KIAA1958: variants seen among roughly 807,000 people sequenced by gnomAD.
KIAA1958 encodes uncharacterized protein KIAA1958.
In KIAA1958, 14 loss-of-function variants were observed where a neutral mutation model predicts 47.2. The ratio of observed to expected loss-of-function variants is 0.30; its 90% CI spans 0.20 to 0.46. The LOEUF (loss-of-function observed/expected upper bound fraction) is 0.46. Among genes scored for constraint, KIAA1958 ranks in the 20% least tolerant of loss-of-function variants. The probability of loss-of-function intolerance (pLI) is 1.00; values close to 1 mark genes in which losing one functional copy is unlikely to be tolerated. For synonymous variants in KIAA1958, 354 were observed against 353.3 expected, an observed-to-expected ratio of 1.00 and a Z score of -0.02; for missense variants, 803 against 909.2, an observed-to-expected ratio of 0.88 and a Z score of 1.50.
chr9:112,592,678 C>G (rs1451966220), intron 2 of KIAA1958, among the ~76,000 whole-genome samples: 1 of 152,132 alleles, frequency 6.6e-6, no homozygotes. Context: ...ATTTGTCATC[C>G]TGGTTCAGGA....
Position 112,645,751 on chromosome 9 carries a change from C to T in KIAA1958, c.1273C>T (p.Arg425Trp), listed in dbSNP as rs772397775. 1.8e-5 allele frequency: 29 copies of T among 1,613,980 alleles called. No individual in the cohort carries two copies. Among genetic ancestry groups the T allele is most frequent in the East Asian group, 4.5e-5 (2 of 44,884 alleles). ...AVSPNTTKAT[R>W]YALNVWRYWC... Reference sequence around the variant, plus strand: ...AAGCCCAAATACTACCAAAGCCACGCGGTACGCCTTGAATGTGTGGCGTTA... The same window carrying T: ...AAGCCCAAATACTACCAAAGCCACGTGGTACGCCTTGAATGTGTGGCGTTA... The change falls in exon 3 of 4, where the codon CGG becomes TGG. Residue 425 changes from arginine to tryptophan, a missense_variant. This residue lies in a region of KIAA1958 where 761 missense variants were observed against 829.3 expected (regional missense o/e 0.92). Coordinates refer to ENST00000337530, the MANE Select transcript of KIAA1958 (RefSeq NM_133465.4).
rs1018402212 is a variant in KIAA1958 at position 112,663,921 on chromosome 9, A to C, written c.*3852A>C. On this transcript the variant is annotated 3_prime_UTR_variant, in exon 4 of 4. Transcript: ENST00000337530. ...ACATAGTCATTAGGAGAATCTGGAC[A>C]AAGTAATACTCTTGTAGAAACGGAA... 6.6e-6 allele frequency: 1 copy of C among 152,272 alleles called. No individual in the cohort carries two copies. The highest frequency in any genetic ancestry group is 1.5e-5 in the Non-Finnish European group (1 of 68,050). 9.4% of individuals were successfully genotyped at this position (152,272 alleles called of 1,614,324 possible).
chr9:112,587,958 G>A (rs960057580), intron 2 of KIAA1958, among the ~76,000 whole-genome samples: 1 of 152,116 alleles, frequency 6.6e-6, no homozygotes, highest in African/African-American at 2.4e-5. Context: ...CAATTTGATT[G>A]TTGGGTTATT....
At chr9:112,573,469 T>G (rs1028232756) in intron 1 of KIAA1958, among the ~76,000 whole-genome samples, 1 of 152,194 alleles carries the variant, frequency 6.6e-6, no homozygotes, top group African/African-American at 2.4e-5. Context: ...TTCCCACTTC[T>G]CAAATCGAGC....
At chr9:112,575,374 T>A (rs1251687739) in intron 2 of KIAA1958, 123 bp downstream of exon 2, 13 of 636,598 alleles carry the variant, frequency 2.0e-5, no homozygotes, top group Non-Finnish European at 3.4e-5. Flanking sequence ...CATAGAAAGA[T>A]AGAAACAATG....
At position 112,665,770 on chromosome 9, in the gene KIAA1958, G is replaced by A. The variant is rs979150606; in HGVS notation, c.*5701G>A. The A allele has an allele frequency of 1.3e-5, 2 of 152,062 alleles. No homozygotes were observed. Among genetic ancestry groups the A allele is most frequent in the Non-Finnish European group, 2.9e-5 (2 of 68,016 alleles). The allele number at this position is 152,062 out of a possible 1,614,324, so 9.4% of individuals were successfully genotyped here. ...ATCCAATAAGTAATTTATATTACCT[G>A]TCATCTACCTTAAAGGGCAGATGGT... is the stretch of plus-strand genomic sequence containing the variant. On this transcript the variant is annotated 3_prime_UTR_variant, in exon 4 of 4. Transcript: ENST00000337530.
chr9:112,487,166 C>T, intron 1 of KIAA1958, 48 bp downstream of exon 1: 1 of 193,730 alleles, frequency 5.2e-6, no homozygotes, highest in South Asian at 6.5e-5. Flanking sequence ...GCCGACGCCG[C>T]GACCCAGGCG....
At chr9:112,592,469 C>T in intron 2 of KIAA1958, among the ~76,000 whole-genome samples, 1 of 152,176 alleles carries the variant, frequency 6.6e-6, no homozygotes, top group Middle Eastern at 3.2e-3. Flanking sequence ...CTTAAGCTTT[C>T]TGGTCCTCAG....
Position 112,574,988 on chromosome 9 carries a change from A to G in KIAA1958, c.908A>G (p.Asn303Ser). Residue 303 changes from asparagine (N) to serine (S), a missense_variant, in exon 2 of 4, where the codon AAC becomes AGC. By Grantham distance (46) the Asn-to-Ser change is conservative (BLOSUM62 1). Transcript: ENST00000337530. ...NRGPPGTHGT[N>S]QQVAMQMPVS... ...GGACCCCCTGGTACACATGGCACCA[A>G]CCAACAGGTGGCCATGCAAATGCCT... The G allele has an allele frequency of 6.2e-7, 1 of 1,614,188 alleles. No homozygotes were observed. The highest frequency in any genetic ancestry group is 8.5e-7 in the Non-Finnish European group (1 of 1,180,008).
At chr9:112,537,106 T>G (rs941227221) in intron 1 of KIAA1958, among the ~76,000 whole-genome samples, 5 of 151,706 alleles carry the variant, frequency 3.3e-5, no homozygotes, top group African/African-American at 1.2e-4. Flanking sequence ...TCTTCTCTTT[T>G]CTTTTCTTTC....
At chr9:112,521,604 C>A (rs139920582) in intron 1 of KIAA1958, among the ~76,000 whole-genome samples, 1 of 152,180 alleles carries the variant, frequency 6.6e-6, no homozygotes, top group African/African-American at 2.4e-5. Context: ...GCATTTCAGT[C>A]ATAAATATGG....
At chr9:112,645,546 A>T in intron 2 of KIAA1958, 104 bp from the exon 3 acceptor site, 1 of 709,104 alleles carries the variant, frequency 1.4e-6, no homozygotes, top group Non-Finnish European at 2.3e-6. Flanking sequence ...CATGTTTTAA[A>T]GTGTTGTCTT....
At chr9:112,510,207 C>T (rs1367283079) in intron 1 of KIAA1958, among the ~76,000 whole-genome samples, 3 of 152,102 alleles carry the variant, frequency 2.0e-5, no homozygotes, top group Admixed American at 6.5e-5. Flanking sequence ...GTCAGTGGGA[C>T]GTCTCTGATT....
chr9:112,499,046 A>G (rs917076933), intron 1 of KIAA1958, among the ~76,000 whole-genome samples: 1 of 152,230 alleles, frequency 6.6e-6, no homozygotes, highest in African/African-American at 2.4e-5. Context: ...CTCCAGGCTT[A>G]TCCATGTTGT....
chr9:112,619,292 C>G (rs945091610), intron 2 of KIAA1958: 1 of 152,252 alleles, frequency 6.6e-6, no homozygotes, highest in Non-Finnish European at 1.5e-5. Flanking sequence ...GCTTTTCGTT[C>G]CCACCCCAAC....
Position 112,660,227 on chromosome 9 carries a change from CT to C in KIAA1958, c.*163del. The C allele has an allele frequency of 1.6e-6, 1 of 618,816 alleles. No individual in the cohort carries two copies. Among genetic ancestry groups the C allele is most frequent in the Non-Finnish European group, 2.8e-6 (1 of 352,496 alleles). 38.3% of individuals were successfully genotyped at this position (618,816 alleles called of 1,614,324 possible). A position where few individuals can be genotyped will look rare whatever the true frequency, so the allele number is the denominator to read the frequency against. Reference sequence around the variant, plus strand: ...TGCCCTCCCTTTGACTTGGGGTTTGCTTTTTAAAATGAAACTAGATGAGTCT... The same window carrying C: ...TGCCCTCCCTTTGACTTGGGGTTTGCTTTTAAAATGAAACTAGATGAGTCT... On this transcript the variant is annotated 3_prime_UTR_variant, in exon 4 of 4. Transcript: ENST00000337530.
At chr9:112,539,836 A>G (rs1834911736) in intron 1 of KIAA1958, among the ~76,000 whole-genome samples, 1 of 111,732 alleles carries the variant, frequency 8.9e-6, no homozygotes, top group South Asian at 3.6e-4. Flanking sequence ...GATTACAAGC[A>G]TGCCCCACCA....
intron 2 of KIAA1958, among the ~76,000 whole-genome samples, chr9:112,635,214 T>TTTTGTG (rs1403616590): frequency 7.7e-6 from 1 of 130,352 alleles, no homozygotes; most frequent in African/African-American, 3.0e-5. Context: ...ATTCTTTATT[T>TTTTGTG]TGTGTGTGTG....
At chr9:112,622,554 T>C (rs1236943637) in intron 2 of KIAA1958, among the ~76,000 whole-genome samples, 1 of 152,224 alleles carries the variant, frequency 6.6e-6, no homozygotes, top group East Asian at 1.9e-4. Context: ...TAGATTCCAT[T>C]TGATATCATG....
Sources: allele counts gnomAD v4.1 joint callset (sites outside exome capture counted in the v4.1 genomes callset), GRCh38; gene constraint gnomAD v4.1.1; regional missense constraint gnomAD v4.1.1; transcripts MANE v1.5; gene names NCBI Gene and HGNC (gene_info 2026-07-23, HGNC 2026-07-21).